SAMD12: variants seen among roughly 807,000 people sequenced by gnomAD.
SAMD12 encodes sterile alpha motif domain containing 12, also known as sterile alpha motif domain-containing protein 12.
SAMD12 carries 9 observed loss-of-function variants against 15.0 expected under a neutral mutation model. The observed-to-expected ratio is 0.60, with a 90% CI of 0.36 to 1.05. SAMD12 has a LOEUF of 1.05. Among genes scored for constraint, SAMD12 ranks in the 50% least tolerant of loss-of-function variants. SAMD12 has a pLI of 0.01. For missense variants in SAMD12, 230 were observed against 234.2 expected (o/e 0.98, Z 0.12); for synonymous variants, 86 against 90.1 (o/e 0.96, Z 0.25).
At chr8:118,458,398 G>A (rs1046277592) in intron 2 of SAMD12, among the ~76,000 whole-genome samples, 1 of 152,120 alleles carries the variant, frequency 6.6e-6, no homozygotes, top group African/African-American at 2.4e-5. Flanking sequence ...TTCTGAACAG[G>A]TGCAAAAGAA....
At chr8:118,473,019 C>T (rs1048565127) in intron 2 of SAMD12, among the ~76,000 whole-genome samples, 1 of 152,194 alleles carries the variant, frequency 6.6e-6, no homozygotes, top group Non-Finnish European at 1.5e-5. Context: ...CTGACCTCTA[C>T]ACATTGCTCT....
At chr8:118,168,784 T>A in the SAMD12 span, among the ~76,000 whole-genome samples, 2 of 152,038 alleles carry the variant, frequency 1.3e-5, no homozygotes, top group African/African-American at 4.8e-5. Flanking sequence ...CTGACTGTAA[T>A]GTCAGAAAAC....
chr8:118,231,409 T>A (rs1489969073), intron 4 of SAMD12, among the ~76,000 whole-genome samples: 1 of 152,168 alleles, frequency 6.6e-6, no homozygotes, highest in Non-Finnish European at 1.5e-5. Flanking sequence ...TTTCCAATAA[T>A]TCATTCATTC....
chr8:118,253,883 GC>G (rs1372781134), intron 4 of SAMD12, among the ~76,000 whole-genome samples: 1 of 152,078 alleles, frequency 6.6e-6, no homozygotes, highest in East Asian at 1.9e-4. Context: ...AGAAGAAAAT[GC>G]CCAGAATGAG....
In SAMD12 at chr8:118,382,597, G is replaced by A. The variant is rs145380998; in HGVS notation, c.323-2897C>T. Among the ~76,000 whole-genome samples, 351 of 152,296 alleles carry A rather than the reference G, an allele frequency of 2.3e-3. 2 individuals are homozygous for A. Among genetic ancestry groups the A allele is most frequent in the African/African-American group, 7.9e-3 (328 of 41,568 alleles). On this transcript the variant is annotated intron_variant, in intron 3 of 3. Coordinates refer to ENST00000314727, the MANE Select transcript of SAMD12 (RefSeq NM_207506.3). ...AAGTTTATTCATTTTCCGACTGTGTGATACAATCATGCTTATGAACAGTTC... is the reference window on the plus strand; with the variant it reads ...AAGTTTATTCATTTTCCGACTGTGTAATACAATCATGCTTATGAACAGTTC...
chr8:118,504,110 G>A (rs899268720), intron 2 of SAMD12, among the ~76,000 whole-genome samples: 2 of 151,984 alleles, frequency 1.3e-5, no homozygotes, highest in Non-Finnish European at 2.9e-5. Flanking sequence ...TTTCCTGTCA[G>A]CATATTATGA....
At chr8:118,138,226 G>C in the SAMD12 span, among the ~76,000 whole-genome samples, 1 of 152,036 alleles carries the variant, frequency 6.6e-6, no homozygotes, top group Non-Finnish European at 1.5e-5. Context: ...GAAGCGGGCT[G>C]AATATCCCAG....
At chr8:118,324,991 T>C (rs935935113) in intron 4 of SAMD12, among the ~76,000 whole-genome samples, 9 of 152,176 alleles carry the variant, frequency 5.9e-5, no homozygotes, top group Non-Finnish European at 8.8e-5. Flanking sequence ...CAACTGGTCA[T>C]AGGGATTTGC....
At chr8:118,132,384 C>G in the SAMD12 span, among the ~76,000 whole-genome samples, 2 of 152,276 alleles carry the variant, frequency 1.3e-5, no homozygotes, top group African/African-American at 4.8e-5. Flanking sequence ...ATGCACAACC[C>G]CAGAGTGTTC....
intron 4 of SAMD12, among the ~76,000 whole-genome samples, chr8:118,316,564 T>C (rs552766468): frequency 3.6e-4 from 54 of 151,942 alleles, no homozygotes; most frequent in African/African-American, 1.3e-3. Flanking sequence ...GGAGCTTATG[T>C]TTAAGGAAGA....
At chr8:118,191,815 G>C (rs79439321) in exon 5 of SAMD12, 1,342 of 74,222 alleles carry the variant, frequency 0.018, 133 homozygotes, top group African/African-American at 0.066. Flanking sequence ...TATATATAGA[G>C]AGAGAGAGAG....
At position 118,555,678 on chromosome 8, in the gene SAMD12, A is replaced by G. The variant is rs933465852; in HGVS notation, c.192+25037T>C. ...TCTGTTCCACTCTGCAAATCAGCAC[A>G]TTATAAATCTCCATGTTTCTATTAA... is the stretch of plus-strand genomic sequence containing the variant. On this transcript the variant is annotated intron_variant, in intron 2 of 3. Transcript: ENST00000314727. Among the ~76,000 whole-genome samples the G allele has an allele frequency of 5.3e-5, 8 of 152,362 alleles. No homozygotes were observed. The East Asian group carries it at 5.8e-4, about 11-fold the overall frequency.
At position 118,366,812 on chromosome 8, in the gene SAMD12, C is replaced by CAAATAAAATAAAATAAAATAAAATA. The variant is rs1554643154; in HGVS notation, c.433+12723_433+12747dup. ...GGGCAACAAGAGTGAAACTCTGTCT[C>CAAATAAAATAAAATAAAATAAAATA]AAATAAAATAAAATAAAATAAAATA... is the stretch of plus-strand genomic sequence containing the variant. On this transcript the variant is annotated intron_variant, in intron 4 of 4. Transcript: ENST00000409003. Among the ~76,000 whole-genome samples, 76 of 78,072 alleles carry CAAATAAAATAAAATAAAATAAAATA rather than the reference C, an allele frequency of 9.7e-4. 2 individuals are homozygous for CAAATAAAATAAAATAAAATAAAATA. In the East Asian group the frequency reaches 0.011, roughly 11 times the overall value. The allele number at this position is 78,072 out of a possible 152,430, so 51.2% of individuals were successfully genotyped here. A position where few individuals can be genotyped will look rare whatever the true frequency, so the allele number is the denominator to read the frequency against.
intron 4 of SAMD12, among the ~76,000 whole-genome samples, chr8:118,221,099 G>C (rs1417041301): frequency 6.6e-6 from 1 of 152,154 alleles, no homozygotes; most frequent in Non-Finnish European, 1.5e-5. Flanking sequence ...GATATTCATA[G>C]TGAAAAGAAA....
rs909986229 is a variant in SAMD12 at position 118,340,915 on chromosome 8, G to A, written c.433+38645C>T. Among the ~76,000 whole-genome samples the A allele has an allele frequency of 3.9e-5, 6 of 152,330 alleles. No individual in the cohort carries two copies. In the South Asian group the frequency reaches 6.2e-4, roughly 16 times the overall value. On this transcript the variant is annotated intron_variant, in intron 4 of 4. Coordinates refer to the SAMD12 transcript ENST00000409003. ...AGGAAGGAATGGGGATCAGAACAGA[G>A]CGCACTGGAAAGGCATTCTCTTGTT...
intron 2 of SAMD12, among the ~76,000 whole-genome samples, chr8:118,507,782 T>C (rs1824960469): frequency 6.6e-6 from 1 of 152,114 alleles, no homozygotes; most frequent in African/African-American, 2.4e-5. Flanking sequence ...CCTGTGGCTA[T>C]GAAGAGTGAT....
chr8:118,291,162 CAAAT>C (rs1814342357), intron 4 of SAMD12: 1 of 152,178 alleles, frequency 6.6e-6, no homozygotes, highest in South Asian at 2.1e-4. Flanking sequence ...GGGACACTAA[CAAAT>C]AAACTTCATG....
chr8:118,285,090 G>T (rs1286821839), intron 4 of SAMD12: 3 of 151,838 alleles, frequency 2.0e-5, no homozygotes, highest in Admixed American at 6.6e-5. Context: ...CTCCTCCTGA[G>T]TCCCCATTCA....
intron 3 of SAMD12, among the ~76,000 whole-genome samples, chr8:118,413,432 T>A (rs1426513324): frequency 6.6e-6 from 1 of 152,202 alleles, no homozygotes; most frequent in East Asian, 1.9e-4. Context: ...CCTTCCAGAA[T>A]GTCCTTTACC....
Sources: gnomAD v4.1 joint callset for allele counts (sites outside exome capture counted in the v4.1 genomes callset) on GRCh38, gnomAD v4.1.1 for gene constraint, MANE v1.5 for transcripts, NCBI Gene and HGNC (gene_info 2026-07-23, HGNC 2026-07-21) for gene names.